Variants in NLGN1 observed in about 807,000 individuals in gnomAD.
NLGN1 encodes the protein neuroligin 1.
In NLGN1, 12 loss-of-function variants were observed where a neutral mutation model predicts 65.5. That is an observed-to-expected ratio of 0.18 (90% CI 0.12 to 0.30). The LOEUF (loss-of-function observed/expected upper bound fraction) is 0.30, where lower values mean the gene tolerates loss of function less well. Among genes scored for constraint, NLGN1 ranks in the 10% least tolerant of loss-of-function variants. The pLI, the probability that NLGN1 is intolerant of heterozygous loss-of-function variation, is 1.00. For synonymous variants in NLGN1, 350 were observed against 359.5 expected (o/e 0.97, Z 0.30); for missense variants, 750 against 1,007.1 (o/e 0.74, Z 3.46).
chr3:173,432,919 C>A (rs898649381), intron 1 of NLGN1, among the ~76,000 whole-genome samples: 1 of 151,944 alleles, frequency 6.6e-6, no homozygotes, highest in African/African-American at 2.4e-5. Flanking sequence ...AACCACTCCC[C>A]CCAGGCTCTC....
intron 4 of NLGN1, among the ~76,000 whole-genome samples, chr3:173,866,011 G>C (rs138019880): frequency 1.2e-4 from 18 of 152,232 alleles, no homozygotes; most frequent in Admixed American, 3.3e-4. Flanking sequence ...CTCTACCTCG[G>C]CAGGGTTAGA....
intron 4 of NLGN1, among the ~76,000 whole-genome samples, chr3:174,005,479 A>C (rs1467196937): frequency 6.6e-6 from 1 of 152,180 alleles, no homozygotes; most frequent in Non-Finnish European, 1.5e-5. Flanking sequence ...TGACTCTGTC[A>C]TGTAGGAAAT....
Position 174,015,779 on chromosome 3 carries a change from G to T in NLGN1, c.646+207947G>T, listed in dbSNP as rs1726438209. On this transcript the variant is annotated intron_variant, in intron 4 of 6. Coordinates refer to ENST00000457714, the Ensembl canonical transcript of NLGN1. ...AACAAATAAAATGAAAGTAGAATTA[G>T]ATTCTCTGATTTTTTAACTAGTATT... 3.3e-5 allele frequency among the ~76,000 whole-genome samples: 5 copies of T among 152,256 alleles called. No individual in the cohort carries two copies. In the South Asian group the frequency reaches 8.3e-4, roughly 25 times the overall value.
At chr3:173,685,219 A>G (rs1401765360) in intron 3 of NLGN1, among the ~76,000 whole-genome samples, 1 of 152,190 alleles carries the variant, frequency 6.6e-6, no homozygotes, top group Non-Finnish European at 1.5e-5. Context: ...CAATATTACA[A>G]TAGACACAAA....
chr3:174,145,979 G>T (rs1723146971), intron 4 of NLGN1, among the ~76,000 whole-genome samples: 1 of 152,200 alleles, frequency 6.6e-6, no homozygotes, highest in South Asian at 2.1e-4. Context: ...GCACACACTT[G>T]TGCCTGCTCA....
chr3:173,600,543 CAAAT>C (rs1390885470), intron 2 of NLGN1, among the ~76,000 whole-genome samples: 1 of 82,204 alleles, frequency 1.2e-5, no homozygotes, highest in Admixed American at 1.4e-4. Context: ...AACAAGAAAA[CAAAT>C]AAATGCAAAC....
At chr3:173,825,940 C>T (rs1320608770) in intron 4 of NLGN1, among the ~76,000 whole-genome samples, 2 of 151,974 alleles carry the variant, frequency 1.3e-5, no homozygotes, top group African/African-American at 4.8e-5. Context: ...AGCAAGGTTA[C>T]ACCCAAGACT....
chr3:173,556,238 G>T (rs1362027297), intron 2 of NLGN1, among the ~76,000 whole-genome samples: 1 of 151,990 alleles, frequency 6.6e-6, no homozygotes, highest in Non-Finnish European at 1.5e-5. Context: ...TTACTTAAAA[G>T]AAACTTTTGG....
At chr3:173,777,463 A>G (rs1470930268) in intron 3 of NLGN1, among the ~76,000 whole-genome samples, 1 of 151,952 alleles carries the variant, frequency 6.6e-6, no homozygotes. Flanking sequence ...TGATCAAATC[A>G]GGATAATTGG....
intron 4 of NLGN1, among the ~76,000 whole-genome samples, chr3:173,878,999 A>T (rs1732717213): frequency 6.6e-6 from 1 of 152,092 alleles, no homozygotes; most frequent in Non-Finnish European, 1.5e-5. Context: ...TTGGGAGGCC[A>T]TAGCATGTGG....
chr3:174,002,173 G>C (rs1272751825), intron 4 of NLGN1, among the ~76,000 whole-genome samples: 2 of 151,976 alleles, frequency 1.3e-5, no homozygotes, highest in African/African-American at 4.8e-5. Flanking sequence ...TGTTGCCCAG[G>C]CTGGAGTGCA....
chr3:173,515,826 T>C (rs1472059843), intron 2 of NLGN1, among the ~76,000 whole-genome samples: 1 of 152,074 alleles, frequency 6.6e-6, no homozygotes, highest in Non-Finnish European at 1.5e-5. Flanking sequence ...GAAGATTAGA[T>C]TGGCATTCTT....
At chr3:173,621,455 C>T (rs1753972160) in intron 3 of NLGN1, among the ~76,000 whole-genome samples, 2 of 151,960 alleles carry the variant, frequency 1.3e-5, no homozygotes, top group Admixed American at 1.3e-4. Context: ...GGTAAAATAT[C>T]AGAACCCTGG....
At chr3:173,568,910 C>T (rs982759877) in intron 2 of NLGN1, among the ~76,000 whole-genome samples, 1 of 152,088 alleles carries the variant, frequency 6.6e-6, no homozygotes, top group Non-Finnish European at 1.5e-5. Flanking sequence ...GAACTCCTGA[C>T]CTTGTGATCC....
At chr3:174,078,172 G>A (rs1741399836) in intron 4 of NLGN1, among the ~76,000 whole-genome samples, 1 of 152,106 alleles carries the variant, frequency 6.6e-6, no homozygotes, top group African/African-American at 2.4e-5. Context: ...TCAAGGAGAG[G>A]AACAGGTAAG....
At position 173,733,933 on chromosome 3, in the gene NLGN1, G is replaced by A. The variant is rs986401459; in HGVS notation, c.494-73747G>A. 2.0e-5 allele frequency among the ~76,000 whole-genome samples: 3 copies of A among 151,982 alleles called. No individual in the cohort carries two copies. In the East Asian group the frequency reaches 5.8e-4, roughly 29 times the overall value. ...TTTAGATGTACTAAATCTAGTGAAT[G>A]AGCATAAAACCTAAATGACTAGGTT... is the stretch of plus-strand genomic sequence containing the variant. On this transcript the variant is annotated intron_variant, in intron 3 of 6. Coordinates refer to ENST00000457714, the Ensembl canonical transcript of NLGN1.
intron 2 of NLGN1, among the ~76,000 whole-genome samples, chr3:173,570,507 C>T (rs1403051074): frequency 6.6e-6 from 1 of 152,032 alleles, no homozygotes; most frequent in East Asian, 1.9e-4. Flanking sequence ...GTGAGCTTAA[C>T]CAAATAATTT....
At chr3:174,198,475 T>C (rs926604193) in intron 4 of NLGN1, among the ~76,000 whole-genome samples, 1 of 152,212 alleles carries the variant, frequency 6.6e-6, no homozygotes, top group African/African-American at 2.4e-5. Context: ...AGATGGGAGA[T>C]TGCTGAATCA....
intron 2 of NLGN1, among the ~76,000 whole-genome samples, chr3:173,452,049 G>A (rs890394859): frequency 7.9e-5 from 12 of 152,204 alleles, no homozygotes; most frequent in Admixed American, 2.6e-4. Flanking sequence ...CACGCACAGT[G>A]CACTGCACCC....
Sources: gnomAD v4.1 joint callset for allele counts (sites outside exome capture counted in the v4.1 genomes callset) on GRCh38, gnomAD v4.1.1 for gene constraint, MANE v1.5 for transcripts, NCBI Gene and HGNC (gene_info 2026-07-23, HGNC 2026-07-21) for gene names.